PLXNA4: variants seen among roughly 807,000 people sequenced by gnomAD.
The protein encoded by PLXNA4 is plexin-A4.
A neutral mutation model predicts 191.8 loss-of-function variants in PLXNA4; 44 were observed. The observed-to-expected ratio is 0.23, with a 90% confidence interval of 0.18 to 0.29. PLXNA4 has a LOEUF of 0.29. Among genes scored for constraint, PLXNA4 ranks in the 10% least tolerant of loss-of-function variants. The pLI is 1.00. For synonymous variants in PLXNA4, 1,082 were observed against 1,009.5 expected (o/e 1.07, Z -1.36); for missense variants, 1,800 against 2,488.8 (o/e 0.72, Z 5.89).
intron 13 of PLXNA4, among the ~76,000 whole-genome samples, chr7:132,196,683 A>C (rs569505350): frequency 2.2e-4 from 33 of 152,342 alleles, no homozygotes; most frequent in Non-Finnish European, 1.5e-5. Flanking sequence ...CCACATTTCC[A>C]AATTTCCTTC....
intron 3 of PLXNA4, among the ~76,000 whole-genome samples, chr7:132,479,547 C>T (rs761193733): frequency 1.3e-5 from 2 of 152,222 alleles, no homozygotes; most frequent in Non-Finnish European, 2.9e-5. Context: ...TTAGTGAGCC[C>T]GGGACCCCAC....
chr7:132,328,501 C>T (rs1166746094), intron 3 of PLXNA4, among the ~76,000 whole-genome samples: 4 of 152,204 alleles, frequency 2.6e-5, no homozygotes, highest in Non-Finnish European at 4.4e-5. Context: ...ACACCTCCAC[C>T]ACCTCTGTTC....
rs1802212569 is a variant in PLXNA4 at position 132,576,085 on chromosome 7, A to G, written c.-87+337T>C. ...TGGGAGCTGAAAAATTGCTCCCTCA[A>G]CCTCCCCGGGTGGGAGGCAGAGCCG... On this transcript the variant is annotated intron_variant, in intron 1 of 31. Coordinates refer to ENST00000321063, the MANE Select transcript of PLXNA4 (RefSeq NM_020911.2). The surrounding 1 kb of genome is among the most constrained non-coding windows in gnomAD (Gnocchi z 5.8). 6.6e-6 allele frequency among the ~76,000 whole-genome samples: 1 copy of G among 151,748 alleles called. No homozygotes were observed. Among genetic ancestry groups the G allele is most frequent in the African/African-American group, 2.4e-5 (1 of 41,290 alleles).
intron 25 of PLXNA4, 151 bp downstream of exon 25, chr7:132,159,322 C>G (rs1181949257): frequency 4.6e-6 from 6 of 1,299,564 alleles, no homozygotes; most frequent in Non-Finnish European, 3.2e-6. Context: ...ACCCCATGGG[C>G]TCCTGCGGGG....
chr7:132,170,687 C>T (rs73499327), intron 21 of PLXNA4, among the ~76,000 whole-genome samples: 20,181 of 152,216 alleles, frequency 0.13, 1,678 homozygotes, highest in African/African-American at 0.22. Context: ...CCCCAGAGAG[C>T]CCTGAGATCC....
chr7:132,216,836 A>G (rs887682453), intron 9 of PLXNA4, among the ~76,000 whole-genome samples: 1 of 151,712 alleles, frequency 6.6e-6, no homozygotes, highest in Non-Finnish European at 1.5e-5. Context: ...TCCACCCAAA[A>G]CTCCTCAAAA....
At chr7:132,562,961 C>T (rs1413216903) in intron 1 of PLXNA4, among the ~76,000 whole-genome samples, 1 of 107,070 alleles carries the variant, frequency 9.3e-6, no homozygotes, top group Non-Finnish European at 1.9e-5. Flanking sequence ...TCCTCTCCCT[C>T]CTCCTCCTCT....
chr7:132,445,303 A>G (rs1470266439), intron 3 of PLXNA4, among the ~76,000 whole-genome samples: 1 of 151,864 alleles, frequency 6.6e-6, no homozygotes, highest in East Asian at 1.9e-4. Context: ...AGATGCAAAG[A>G]GACTTGTCTG....
intron 1 of PLXNA4, among the ~76,000 whole-genome samples, chr7:132,561,636 TCC>T (rs1801089476): frequency 7.7e-6 from 1 of 130,116 alleles, no homozygotes; most frequent in Non-Finnish European, 1.6e-5. Context: ...TTCCTCCTCC[TCC>T]TTCTCCTCCT....
chr7:132,478,232 T>C (rs973314564), intron 3 of PLXNA4, among the ~76,000 whole-genome samples: 3 of 152,268 alleles, frequency 2.0e-5, no homozygotes, highest in Non-Finnish European at 2.9e-5. Context: ...AGGTTTAAGA[T>C]GTATCTTTCT....
chr7:132,318,900 T>G (rs1035572848), intron 3 of PLXNA4, among the ~76,000 whole-genome samples: 1 of 152,134 alleles, frequency 6.6e-6, no homozygotes, highest in South Asian at 2.1e-4. Flanking sequence ...CTCTGTTGAA[T>G]TCTGCATTTT....
chr7:132,234,926 T>G (rs959615241), intron 5 of PLXNA4, among the ~76,000 whole-genome samples: 2 of 152,132 alleles, frequency 1.3e-5, no homozygotes, highest in Non-Finnish European at 2.9e-5. Context: ...ACCAGCAGAT[T>G]AGTGTTAAGT....
intron 1 of PLXNA4, among the ~76,000 whole-genome samples, chr7:132,554,492 C>T (rs1800703495): frequency 1.3e-5 from 2 of 152,332 alleles, no homozygotes; most frequent in Admixed American, 6.5e-5. Context: ...CCACAGTCAA[C>T]CAGTGGTTCT....
intron 4 of PLXNA4, among the ~76,000 whole-genome samples, chr7:132,257,197 A>G (rs1799463057): frequency 6.6e-6 from 1 of 152,036 alleles, no homozygotes; most frequent in Non-Finnish European, 1.5e-5. Context: ...GGTGGCTGTA[A>G]CTCTCTCGTG....
intron 13 of PLXNA4, among the ~76,000 whole-genome samples, chr7:132,194,754 T>G (rs1307530165): frequency 6.6e-6 from 1 of 152,170 alleles, no homozygotes; most frequent in Admixed American, 6.5e-5. Context: ...TCTAAAAATT[T>G]TTATTGCTTT....
Position 132,379,054 on chromosome 7 carries a change from TTGGCCAAAC to T in PLXNA4, c.1372-80841_1372-80833del, listed in dbSNP as rs575741829. 1.6e-4 allele frequency among the ~76,000 whole-genome samples: 25 copies of T among 152,254 alleles called. No homozygotes were observed. The South Asian group carries it at 5.2e-3, about 32-fold the overall frequency. ...TTTATGGAGATGGGGTTTCACCATG[TTGGCCAAAC>T]TGGTCTCGAACTCCTGACTTCAGAT... is the stretch of plus-strand genomic sequence containing the variant. On this transcript the variant is annotated intron_variant, in intron 3 of 31. Coordinates refer to ENST00000321063, the MANE Select transcript of PLXNA4 (RefSeq NM_020911.2).
intron 4 of PLXNA4, among the ~76,000 whole-genome samples, chr7:132,294,338 T>C (rs73157265): frequency 0.038 from 5,774 of 152,296 alleles, 166 homozygotes; most frequent in Middle Eastern, 0.068. Flanking sequence ...TCTCCCGCCC[T>C]GGCCCTGCAG....
chr7:132,244,230 G>A (rs866309617), intron 4 of PLXNA4, among the ~76,000 whole-genome samples: 9 of 152,060 alleles, frequency 5.9e-5, no homozygotes, highest in South Asian at 2.1e-4. Context: ...AACTGGGCGC[G>A]TTAGGTCTGA....
At chr7:132,311,591 T>C (rs1420185652) in intron 3 of PLXNA4, among the ~76,000 whole-genome samples, 1 of 152,188 alleles carries the variant, frequency 6.6e-6, no homozygotes, top group Non-Finnish European at 1.5e-5. Flanking sequence ...AAACAATTAC[T>C]AGAGCTTCTT....
Sources: gnomAD v4.1 joint callset for allele counts (sites outside exome capture counted in the v4.1 genomes callset) on GRCh38, gnomAD v4.1.1 for gene constraint, Gnocchi (gnomAD v3.1) non-coding constraint, MANE v1.5 for transcripts, NCBI Gene and HGNC (gene_info 2026-07-23, HGNC 2026-07-21) for gene names.